The following PPIP5K2 variants were observed in gnomAD, a reference collection of about 807,000 sequenced individuals.
PPIP5K2 encodes diphosphoinositol pentakisphosphate kinase 2.
PPIP5K2 carries 105 observed loss-of-function variants against 154.6 expected under a neutral mutation model. The ratio of observed to expected loss-of-function variants is 0.68; its 90% CI spans 0.58 to 0.80. PPIP5K2 has a LOEUF of 0.80. Ranked by LOEUF, PPIP5K2 falls within the 30% of genes least tolerant of loss-of-function variation. PPIP5K2 has a pLI of 0.00. For synonymous variants in PPIP5K2, 480 were observed against 490.3 expected, an observed-to-expected ratio of 0.98 and a Z score of 0.28; for missense variants, 992 against 1,504.6, an observed-to-expected ratio of 0.66 and a Z score of 5.64.
chr5:103,130,110 A>G (rs1790371502), intron 2 of PPIP5K2, among the ~76,000 whole-genome samples: 2 of 152,328 alleles, frequency 1.3e-5, no homozygotes, highest in Middle Eastern at 3.4e-3. Context: ...TCTGTTACCA[A>G]TGTGAGTTCT....
intron 19 of PPIP5K2, among the ~76,000 whole-genome samples, chr5:103,170,710 T>G (rs1182796970): frequency 6.6e-6 from 1 of 151,408 alleles, no homozygotes; most frequent in Non-Finnish European, 1.5e-5. Flanking sequence ...TCTTGCTTTG[T>G]TACTTTAGGC....
At chr5:103,149,549 A>G (rs937771389) in intron 8 of PPIP5K2, among the ~76,000 whole-genome samples, 5 of 152,162 alleles carry the variant, frequency 3.3e-5, no homozygotes, top group Non-Finnish European at 7.4e-5. Context: ...AAAATTCAGA[A>G]ATGACTCAGC....
intron 10 of PPIP5K2, among the ~76,000 whole-genome samples, chr5:103,153,465 A>T (rs1235591214): frequency 2.0e-5 from 3 of 151,836 alleles, no homozygotes; most frequent in Non-Finnish European, 4.4e-5. Flanking sequence ...TAAATATAGC[A>T]ACCATCATGT....
At chr5:103,176,002 A>G (rs1454472503) in intron 21 of PPIP5K2, among the ~76,000 whole-genome samples, 2 of 152,116 alleles carry the variant, frequency 1.3e-5, no homozygotes, top group African/African-American at 4.8e-5. Flanking sequence ...AATCTTACTC[A>G]GTATATTCCC....
intron 20 of PPIP5K2, 81 bp from the exon 21 acceptor site, chr5:103,173,777 T>G: frequency 2.1e-6 from 2 of 948,736 alleles, no homozygotes; most frequent in Non-Finnish European, 3.2e-6. Context: ...AAATTACATT[T>G]AATTTTAGAA....
intron 23 of PPIP5K2, 58 bp from the exon 24 acceptor site, chr5:103,179,963 A>T: frequency 7.3e-7 from 1 of 1,376,408 alleles, no homozygotes; most frequent in South Asian, 1.6e-5. Flanking sequence ...GAATCTGTTC[A>T]TCAGAAGAGA....
chr5:103,133,426 C>A (rs781946277), intron 2 of PPIP5K2, 27 bp from the exon 3 acceptor site: 2 of 1,591,718 alleles, frequency 1.3e-6, no homozygotes, highest in Non-Finnish European at 1.7e-6. Flanking sequence ...AAAGTTAACC[C>A]GATTTTTTGT....
rs370850337 is a variant in PPIP5K2, at chr5:103,186,006, TTATGGC to T, written c.3170-313_3170-308del. Among the ~76,000 whole-genome samples the T allele has an allele frequency of 5.4e-4, 82 of 152,240 alleles. 2 individuals carry two copies. The South Asian group carries it at 9.5e-3, about 18-fold the overall frequency. ...AGTCCTTTCTTGTCCTAAGTTATTT[TTATGGC>T]AGTGTTTTTAATACTTTAGGATGTA... On this transcript the variant is annotated intron_variant, in intron 26 of 30. Coordinates refer to ENST00000358359, the MANE Select transcript of PPIP5K2 (RefSeq NM_001276277.3).
intron 17 of PPIP5K2, among the ~76,000 whole-genome samples, chr5:103,161,529 C>T (rs541390609): frequency 3.9e-5 from 6 of 152,188 alleles, no homozygotes; most frequent in African/African-American, 9.6e-5. Flanking sequence ...CTTGAGGAAT[C>T]GCCATACTGT....
intron 5 of PPIP5K2, among the ~76,000 whole-genome samples, chr5:103,142,393 AGCCCCAGTTCCCGCTCGC>A: frequency 6.6e-6 from 1 of 151,618 alleles, no homozygotes; most frequent in African/African-American, 2.4e-5. Flanking sequence ...ACCGCCCCGC[AGCCCCAGTTCCCGCTCGC>A]GCCTCTCCCT....
intron 3 of PPIP5K2, among the ~76,000 whole-genome samples, chr5:103,135,710 A>G (rs1583223291): frequency 6.6e-6 from 1 of 151,798 alleles, no homozygotes; most frequent in Non-Finnish European, 1.5e-5. Flanking sequence ...GGGACAGGCA[A>G]GAGCCACTGC....
chr5:103,185,229 T>C (rs1260554720), intron 26 of PPIP5K2, among the ~76,000 whole-genome samples: 1 of 152,184 alleles, frequency 6.6e-6, no homozygotes, highest in East Asian at 1.9e-4. Context: ...TCTCAGTCTT[T>C]ATTAACCTAT....
In PPIP5K2 at chr5:103,129,572, A is replaced by G. The variant is rs373810066; in HGVS notation, c.-18A>G. Reference sequence around the variant, plus strand: ...AATATAAATCATTTCAATTATATCTACATCAAATAAAATAAAAATGAGTGA... The same window carrying G: ...AATATAAATCATTTCAATTATATCTGCATCAAATAAAATAAAAATGAGTGA... On this transcript the variant is annotated 5_prime_UTR_variant, in exon 2 of 31. Transcript: ENST00000358359. 24 of 1,552,594 alleles carry G rather than the reference A, an allele frequency of 1.5e-5. No homozygotes were observed. The highest frequency in any genetic ancestry group is 2.1e-5 in the Non-Finnish European group (24 of 1,155,302).
chr5:103,140,782 A>G (rs1792456972), intron 5 of PPIP5K2, among the ~76,000 whole-genome samples: 1 of 148,574 alleles, frequency 6.7e-6, no homozygotes, highest in African/African-American at 2.5e-5. Context: ...GCTTGCAGTG[A>G]GCGGAGATCG....
chr5:103,202,049 A>G lies in PPIP5K2; in HGVS notation c.*415A>G, dbSNP rs75011365. On this transcript the variant is annotated 3_prime_UTR_variant, in exon 31 of 31. Transcript: ENST00000358359. Reference sequence around the variant, plus strand: ...ATTGAAATTTGACAGCCAGGGTTACATATTGGGGACTTTTAAAGTGTCTTT... The same window carrying G: ...ATTGAAATTTGACAGCCAGGGTTACGTATTGGGGACTTTTAAAGTGTCTTT... 1.3e-3 allele frequency: 206 copies of G among 156,058 alleles called. 2 individuals carry two copies. The East Asian group carries it at 0.032, about 24-fold the overall frequency. 9.7% of individuals were successfully genotyped at this position (156,058 alleles called of 1,614,324 possible).
At chr5:103,177,578 A>G in intron 21 of PPIP5K2, 89 bp from the exon 22 acceptor site, 1 of 786,744 alleles carries the variant, frequency 1.3e-6, no homozygotes, top group Non-Finnish European at 2.0e-6. Context: ...TGGTATCACT[A>G]GGATTAAACA....
intron 30 of PPIP5K2, among the ~76,000 whole-genome samples, chr5:103,198,162 T>C (rs995575918): frequency 2.0e-5 from 3 of 152,168 alleles, no homozygotes; most frequent in African/African-American, 7.2e-5. Context: ...TAGAAGTATA[T>C]TGGTTAAATT....
chr5:103,173,227 C>T lies in PPIP5K2; in HGVS notation c.2359C>T (p.Arg787Cys), dbSNP rs782492973. ...GYCTPLVRKI[R>C]SDLQRTQDDD... ...CTGTACTCCTCTGGTTAGAAAAATT[C>T]GCTCAGACCTTCAGAGGACACAAGA... Residue 787 changes from arginine to cysteine, a missense_variant, in exon 20 of 31, where the codon CGC (arginine) becomes TGC (cysteine). Around this residue, in one of 9 missense-constraint regions of PPIP5K2, gnomAD observed 157 missense variants for 281.2 expected, o/e 0.56. Coordinates refer to ENST00000358359, the MANE Select transcript of PPIP5K2 (RefSeq NM_001276277.3). 5 of 1,611,598 alleles carry T rather than the reference C, an allele frequency of 3.1e-6. No individual in the cohort carries two copies. The highest frequency in any genetic ancestry group is 2.7e-5 in the African/African-American group (2 of 74,704).
In PPIP5K2 at chr5:103,190,879, T is replaced by G; in HGVS notation, c.3390T>G (p.Pro1130=). The change falls in exon 29 of 31, where the codon CCT becomes CCG. Residue 1130 remains proline (P), a synonymous_variant. Transcript: ENST00000358359. ...ATTCCATGGTGCCATCTATTTGTCC[T>G]CTAGAAACTCTTCATAATGCCCTAT... The part of the protein sequence containing the change: ...ELYSMVPSIC[P]LETLHNALSL... The G allele has an allele frequency of 6.2e-7, 1 of 1,608,792 alleles. No homozygotes were observed. Among genetic ancestry groups the G allele is most frequent in the Non-Finnish European group, 8.5e-7 (1 of 1,177,184 alleles).
Sources: allele counts gnomAD v4.1 joint callset (sites outside exome capture counted in the v4.1 genomes callset), GRCh38; gene constraint gnomAD v4.1.1; regional missense constraint gnomAD v4.1.1; transcripts MANE v1.5; gene names NCBI Gene and HGNC (gene_info 2026-07-23, HGNC 2026-07-21).